The following PIK3CB variants were observed in gnomAD, a reference collection of about 807,000 sequenced individuals.
PIK3CB encodes phosphatidylinositol 4,5-bisphosphate 3-kinase catalytic subunit beta isoform.
A neutral mutation model predicts 136.8 loss-of-function variants in PIK3CB; 39 were observed. That is an observed-to-expected ratio of 0.29 (90% CI 0.22 to 0.37). The LOEUF is 0.37. PIK3CB is among the 10% of genes least tolerant of loss of function. The probability of loss-of-function intolerance (pLI) is 1.00; values close to 1 mark genes in which losing one functional copy is unlikely to be tolerated. For synonymous variants in PIK3CB, 428 were observed against 436.6 expected (o/e 0.98, Z 0.25); for missense variants, 868 against 1,275.4 (o/e 0.68, Z 4.87).
intron 1 of PIK3CB, among the ~76,000 whole-genome samples, chr3:138,811,549 C>T (rs1318207143): frequency 2.6e-5 from 4 of 151,624 alleles, no homozygotes; most frequent in African/African-American, 9.7e-5. Flanking sequence ...CCTCAGCCTC[C>T]TGAGTAGCTG....
At chr3:138,807,989 T>A (rs12494519) in intron 1 of PIK3CB, among the ~76,000 whole-genome samples, 1,568 of 152,182 alleles carry the variant, frequency 0.01, 27 homozygotes, top group Admixed American at 0.048. Context: ...GGGTTTTTTT[T>A]AAAAACACAA....
intron 2 of PIK3CB, among the ~76,000 whole-genome samples, chr3:138,781,445 T>A (rs867048958): frequency 1.1e-4 from 17 of 151,222 alleles, no homozygotes; most frequent in African/African-American, 3.4e-4. Flanking sequence ...GAGACCCCCA[T>A]CTCTACAGAA....
Position 138,727,198 on chromosome 3 carries a change from A to G in PIK3CB, c.1050+6163T>C, listed in dbSNP as rs77013757. On this transcript the variant is annotated intron_variant, in intron 8 of 23. Transcript: ENST00000674063. The stretch of plus-strand genomic sequence containing the variant: ...GTGGTGAGTCAACACTGAACATTTG[A>G]GATTTCTGTTATAGACCTCATACAG... Among the ~76,000 whole-genome samples, 925 of 152,250 alleles carry G rather than the reference A, an allele frequency of 6.1e-3. 15 individuals carry two copies. The highest frequency in any genetic ancestry group is 0.036 in the South Asian group (172 of 4,818).
At position 138,656,155 on chromosome 3, in the gene PIK3CB, A is replaced by G. The variant is rs746904609; in HGVS notation, c.3062T>C (p.Ile1021Thr). 23 of 1,613,964 alleles carry G rather than the reference A, an allele frequency of 1.4e-5. No individual in the cohort carries two copies. The highest frequency in any genetic ancestry group is 1.9e-5 in the Non-Finnish European group (22 of 1,179,946). ...GLPELTSVKDIQYLKDSLALG... is the reference protein window; with the variant it reads ...GLPELTSVKDTQYLKDSLALG... Reference sequence around the variant, plus strand: ...GTGGTTTTATACCTTAAGATACTGTATATCTTTGACTGATGTGAGTTCAGG... The same window carrying G: ...GTGGTTTTATACCTTAAGATACTGTGTATCTTTGACTGATGTGAGTTCAGG... The change falls in exon 23 of 24, where the codon ATA becomes ACA. Residue 1021 changes from isoleucine to threonine, a missense_variant. Physicochemically the swap from Ile to Thr is moderately conservative, Grantham distance 89 (BLOSUM62 -1). Transcript: ENST00000674063.
intron 3 of PIK3CB, among the ~76,000 whole-genome samples, chr3:138,758,764 T>C (rs2045617808): frequency 6.6e-6 from 1 of 152,274 alleles, no homozygotes; most frequent in African/African-American, 2.4e-5. Flanking sequence ...AAATCAACGG[T>C]GCTCATCAAT....
In PIK3CB at chr3:138,744,392, CAAAAAAAA is replaced by C. The variant is rs60503033; in HGVS notation, c.398-1619_398-1612del. ...ACTGGGTGACAGAGCGAGACTCCCCCAAAAAAAAAAAAAAAAAAAAAAAAAAAAAAGGA... is the reference window on the plus strand; with the variant it reads ...ACTGGGTGACAGAGCGAGACTCCCCCAAAAAAAAAAAAAAAAAAAAAAGGA... On this transcript the variant is annotated intron_variant, in intron 4 of 23. Transcript: ENST00000674063. 1.6e-3 allele frequency among the ~76,000 whole-genome samples: 73 copies of C among 45,106 alleles called. 9 individuals carry two copies. Among genetic ancestry groups the C allele is most frequent in the Admixed American group, 4.4e-3 (13 of 2,974 alleles). 29.6% of individuals were successfully genotyped at this position (45,106 alleles called of 152,430 possible).
At position 138,707,282 on chromosome 3, in the gene PIK3CB, G is replaced by T; in HGVS notation, c.1407C>A (p.Leu469=). 2 of 1,593,992 alleles carry T rather than the reference G, an allele frequency of 1.3e-6. No homozygotes were observed. Among genetic ancestry groups the T allele is most frequent in the South Asian group, 2.3e-5 (2 of 86,538 alleles). Reference sequence around the variant, plus strand: ...TTCCCATTGGATTCAACATTTCTTCGAGTTCATCTAAAACATGCAAATAAT... The same window carrying T: ...TTCCCATTGGATTCAACATTTCTTCTAGTTCATCTAAAACATGCAAATAAT... ...LHSWSSFPDE[L]EEMLNPMGTV... Residue 469 remains leucine (L), a synonymous_variant, in exon 11 of 24, where the codon CTC becomes CTA. Coordinates refer to ENST00000674063, the MANE Select transcript of PIK3CB (RefSeq NM_006219.3).
At chr3:138,821,182 G>A (rs1192578202) in intron 1 of PIK3CB, among the ~76,000 whole-genome samples, 2 of 152,092 alleles carry the variant, frequency 1.3e-5, no homozygotes, top group Non-Finnish European at 2.9e-5. Flanking sequence ...CTACTCAGGA[G>A]GCTGAGGCAG....
intron 19 of PIK3CB, 97 bp from the exon 20 acceptor site, chr3:138,665,300 A>C (rs1352612177): frequency 1.2e-6 from 1 of 838,000 alleles, no homozygotes; most frequent in Non-Finnish European, 1.7e-6. Flanking sequence ...AAGTTTTATT[A>C]TTATTGATAT....
chr3:138,788,284 T>C lies in PIK3CB; in HGVS notation c.-17+8179A>G, dbSNP rs564362259. Among the ~76,000 whole-genome samples the C allele has an allele frequency of 5.4e-4, 83 of 152,310 alleles. 1 individual carries two copies. Among genetic ancestry groups the C allele is most frequent in the Non-Finnish European group, 1.1e-3 (72 of 68,034 alleles). The stretch of plus-strand genomic sequence containing the variant: ...AGAGCATAAGGATTTGTGCTACTTC[T>C]AAAACTACCAGAAAACAGTGTATGA... On this transcript the variant is annotated intron_variant, in intron 2 of 23. Coordinates refer to ENST00000674063, the MANE Select transcript of PIK3CB (RefSeq NM_006219.3).
chr3:138,702,391 G>A (rs2044274098), intron 12 of PIK3CB, among the ~76,000 whole-genome samples: 1 of 151,834 alleles, frequency 6.6e-6, no homozygotes, highest in Non-Finnish European at 1.5e-5. Context: ...TTTATTAATT[G>A]TACTTTGTGC....
rs138460500 is a variant in PIK3CB, at chr3:138,690,400, T to C, written c.2036+600A>G. On this transcript the variant is annotated intron_variant, in intron 15 of 23. Coordinates refer to ENST00000674063, the MANE Select transcript of PIK3CB (RefSeq NM_006219.3). Reference sequence around the variant, plus strand: ...TACAGAGTCAGAAATGAGAAATCTATTAATACAATTTCCTTAGAAAACAAA... The same window carrying C: ...TACAGAGTCAGAAATGAGAAATCTACTAATACAATTTCCTTAGAAAACAAA... Among the ~76,000 whole-genome samples, 12 of 152,072 alleles carry C rather than the reference T, an allele frequency of 7.9e-5. No homozygotes were observed. The East Asian group carries it at 2.3e-3, about 29-fold the overall frequency.
rs902145819 is a variant in PIK3CB, at chr3:138,656,268, G to T, written c.2949C>A (p.Arg983=). Residue 983 remains arginine (R), a synonymous_variant, in exon 23 of 24, where the codon CGC becomes CGA. Transcript: ENST00000674063. The part of the protein sequence containing the change: ...TGNTEKFGRF[R]QCCEDAYLIL... Reference sequence around the variant, plus strand: ...TCAGATATGCATCCTCACAACACTGGCGGAACCTTTGGGTGATGCAGCAAA... The same window carrying T: ...TCAGATATGCATCCTCACAACACTGTCGGAACCTTTGGGTGATGCAGCAAA... The T allele has an allele frequency of 6.2e-7, 1 of 1,614,112 alleles. No individual in the cohort carries two copies. Among genetic ancestry groups the T allele is most frequent in the Non-Finnish European group, 8.5e-7 (1 of 1,180,014 alleles).
intron 21 of PIK3CB, 83 bp downstream of exon 21, chr3:138,663,823 C>G: frequency 7.3e-7 from 1 of 1,369,696 alleles, no homozygotes; most frequent in Non-Finnish European, 1.0e-6. Context: ...ACAAAAGAAT[C>G]TGGCTGAGTT....
intron 8 of PIK3CB, 21 bp downstream of exon 8, chr3:138,733,340 C>T: frequency 8.2e-7 from 1 of 1,222,578 alleles, no homozygotes; most frequent in Non-Finnish European, 1.2e-6. Flanking sequence ...ATGGCAAATT[C>T]AAATCTTAGT....
Position 138,684,639 on chromosome 3 carries a change from G to T in PIK3CB, c.2301C>A (p.Ile767=), listed in dbSNP as rs750831231. Residue 767 remains isoleucine, a synonymous_variant, in exon 17 of 24, where the codon ATC becomes ATA. Coordinates refer to ENST00000674063, the MANE Select transcript of PIK3CB (RefSeq NM_006219.3). ...CAGTCACTTACTAGAGTTCTGAGAG[G>T]ATAACACATGGGTTCAGGGGTGACT... is the stretch of plus-strand genomic sequence containing the variant. ...DLQSPLNPCV[I]LSELYVEKCK... is the part of the protein sequence containing the mutation. The T allele has an allele frequency of 1.9e-6, 3 of 1,607,896 alleles. No individual in the cohort carries two copies. Among genetic ancestry groups the T allele is most frequent in the Non-Finnish European group, 2.5e-6 (3 of 1,177,752 alleles).
intron 8 of PIK3CB, among the ~76,000 whole-genome samples, chr3:138,725,217 C>G (rs1251625223): frequency 2.0e-5 from 3 of 152,192 alleles, no homozygotes; most frequent in African/African-American, 7.2e-5. Flanking sequence ...ATTAAAGATA[C>G]AAGTTCCTTG....
chr3:138,672,569 T>C (rs937756379), intron 19 of PIK3CB, among the ~76,000 whole-genome samples: 2 of 152,132 alleles, frequency 1.3e-5, no homozygotes, highest in Non-Finnish European at 2.9e-5. Context: ...GTCACGCAGA[T>C]AAATGAAAAA....
At chr3:138,748,701 G>A (rs776979592) in intron 4 of PIK3CB, among the ~76,000 whole-genome samples, 24 of 152,106 alleles carry the variant, frequency 1.6e-4, no homozygotes, top group Non-Finnish European at 2.8e-4. Context: ...TTTAAAAGTA[G>A]GTAGAGAATG....
Sources: gnomAD v4.1 joint callset for allele counts (sites outside exome capture counted in the v4.1 genomes callset) on GRCh38, gnomAD v4.1.1 for gene constraint, MANE v1.5 for transcripts, NCBI Gene and HGNC (gene_info 2026-07-23, HGNC 2026-07-21) for gene names.